GREB1L: variants seen among roughly 807,000 people sequenced by gnomAD.
GREB1L encodes the protein GREB1 like retinoic acid receptor coactivator, also known as GREB1-like protein.
In GREB1L, 17 loss-of-function variants were observed where a neutral mutation model predicts 200.8. The observed-to-expected ratio is 0.08, with a 90% CI of 0.06 to 0.13. The LOEUF is 0.13. GREB1L is among the 10% of genes least tolerant of loss of function. The pLI is 1.00. For synonymous variants in GREB1L, 789 were observed against 893.0 expected (o/e 0.88, Z 2.08); for missense variants, 1,657 against 2,367.7 (o/e 0.70, Z 6.23).
chr18:21,352,606 A>G (rs1422945375), intron 1 of GREB1L, among the ~76,000 whole-genome samples: 1 of 151,230 alleles, frequency 6.6e-6, no homozygotes, highest in African/African-American at 2.4e-5. Flanking sequence ...GCTAATTTTT[A>G]TATTTTTAGT....
chr18:21,245,829 TG>T (rs1161348455), intron 1 of GREB1L, among the ~76,000 whole-genome samples: 8 of 152,162 alleles, frequency 5.3e-5, no homozygotes, highest in African/African-American at 1.9e-4. Context: ...GCCATTCTCC[TG>T]CCTCAGCCTC....
At chr18:21,279,709 G>A (rs1033099285) in intron 1 of GREB1L, among the ~76,000 whole-genome samples, 2 of 152,064 alleles carry the variant, frequency 1.3e-5, no homozygotes, top group African/African-American at 4.8e-5. Context: ...TTTTTCACAG[G>A]ATCGATCATC....
chr18:21,430,989 A>AT (rs1164826850), intron 7 of GREB1L, among the ~76,000 whole-genome samples: 4 of 120,090 alleles, frequency 3.3e-5, no homozygotes, highest in East Asian at 2.3e-4. Context: ...TTTAATTTTC[A>AT]TTTATTTTAT....
In GREB1L at chr18:21,473,158, C is replaced by A; in HGVS notation, c.2310C>A (p.Asn770Lys). 5 of 1,549,408 alleles carry A rather than the reference C, an allele frequency of 3.2e-6. No individual in the cohort carries two copies. Among genetic ancestry groups the A allele is most frequent in the Non-Finnish European group, 3.5e-6 (4 of 1,145,796 alleles). Residue 770 changes from asparagine to lysine, a missense_variant, in exon 16 of 33, where the codon AAC becomes AAA. This residue lies in a region of GREB1L where 239 missense variants were observed against 421.8 expected (regional missense o/e 0.57). Coordinates refer to ENST00000424526, the MANE Select transcript of GREB1L (RefSeq NM_001142966.3). ...FEVFMRRVKQNPYTLFVLVHD... is the reference protein window; with the variant it reads ...FEVFMRRVKQKPYTLFVLVHD... ...TTTTTATGAGGAGAGTGAAACAGAA[C>A]CCGTACACACTGTTTGTGCTAGTTC...
chr18:21,248,026 A>G (rs1184354669), intron 1 of GREB1L, among the ~76,000 whole-genome samples: 2 of 152,232 alleles, frequency 1.3e-5, no homozygotes, highest in Non-Finnish European at 2.9e-5. Context: ...TTAGTTATAA[A>G]ATAATCCAGA....
chr18:21,393,054 G>C (rs1338829296), intron 4 of GREB1L, among the ~76,000 whole-genome samples: 1 of 152,180 alleles, frequency 6.6e-6, no homozygotes, highest in African/African-American at 2.4e-5. Flanking sequence ...TTACAGGCGT[G>C]AGCCACTGCA....
intron 11 of GREB1L, among the ~76,000 whole-genome samples, chr18:21,448,153 C>T (rs894287385): frequency 1.1e-5 from 1 of 89,820 alleles, no homozygotes; most frequent in Non-Finnish European, 2.9e-5. Flanking sequence ...CAAAGGGAAA[C>T]TGTCTCAAAA....
intron 1 of GREB1L, among the ~76,000 whole-genome samples, chr18:21,361,451 T>C (rs2039578974): frequency 6.6e-6 from 1 of 152,108 alleles, no homozygotes; most frequent in South Asian, 2.1e-4. Flanking sequence ...CTGCACAAAT[T>C]AAGGTGGAGA....
chr18:21,493,865 C>CA (rs35758360), intron 19 of GREB1L, among the ~76,000 whole-genome samples: 610 of 38,490 alleles, frequency 0.016, 191 homozygotes, highest in African/African-American at 0.06. Context: ...GACCCTGTCT[C>CA]AAAAAAAAAA....
rs766588086 is a variant in GREB1L, at chr18:21,495,790, A to G, written c.3146+5A>G. On this transcript the variant is annotated splice_donor_5th_base_variant and intron_variant, in intron 20 of 32. Coordinates refer to ENST00000424526, the MANE Select transcript of GREB1L (RefSeq NM_001142966.3). ...TCTTGGAGAAACCTTTCCCAGGTAC[A>G]GTTTCAATAATTAATTCCATTTTTC... is the stretch of plus-strand genomic sequence containing the variant. The G allele has an allele frequency of 1.4e-6, 2 of 1,417,568 alleles. No individual in the cohort carries two copies. Among genetic ancestry groups the G allele is most frequent in the Admixed American group, 4.6e-5 (2 of 43,618 alleles). 87.8% of individuals were successfully genotyped at this position (1,417,568 alleles called of 1,614,324 possible).
intron 15 of GREB1L, among the ~76,000 whole-genome samples, chr18:21,462,934 G>A (rs2035106118): frequency 1.3e-5 from 2 of 152,126 alleles, no homozygotes; most frequent in South Asian, 4.1e-4. Context: ...TAACCACACA[G>A]CAAAAAGAAT....
intron 3 of GREB1L, among the ~76,000 whole-genome samples, chr18:21,383,902 GAC>G (rs751726014): frequency 1.3e-4 from 19 of 151,880 alleles, no homozygotes; most frequent in Non-Finnish European, 2.5e-4. Flanking sequence ...TTTTATTAAA[GAC>G]AGGATTTCAC....
At chr18:21,499,653 C>T in intron 21 of GREB1L, 76 bp from the exon 22 acceptor site, 1 of 1,086,882 alleles carries the variant, frequency 9.2e-7, no homozygotes, top group Non-Finnish European at 1.3e-6. Flanking sequence ...CACTGCTTTC[C>T]TGGCCTTTGT....
rs145894401 is a variant in GREB1L at position 21,276,789 on chromosome 18, A to G, written c.-120+34396A>G. ...AAGGGAAGAAGGAAGGAAAGAAGGA[A>G]GAGAGAGGGAGATGAGGTGGGGAGA... is the stretch of plus-strand genomic sequence containing the variant. On this transcript the variant is annotated intron_variant, in intron 1 of 32. Coordinates refer to ENST00000424526, the MANE Select transcript of GREB1L (RefSeq NM_001142966.3). Among the ~76,000 whole-genome samples the G allele has an allele frequency of 7.1e-4, 108 of 152,310 alleles. 1 individual carries two copies. The highest frequency in any genetic ancestry group is 2.6e-3 in the African/African-American group (107 of 41,564).
intron 21 of GREB1L, among the ~76,000 whole-genome samples, chr18:21,497,232 A>G (rs1432024270): frequency 1.3e-5 from 2 of 152,230 alleles, no homozygotes; most frequent in Admixed American, 6.5e-5. Flanking sequence ...GTCTTGCAGC[A>G]TTACTGCAGG....
At chr18:21,385,275 T>C (rs2040491145) in intron 4 of GREB1L, among the ~76,000 whole-genome samples, 1 of 152,018 alleles carries the variant, frequency 6.6e-6, no homozygotes, top group South Asian at 2.1e-4. Flanking sequence ...AGAACATTCC[T>C]CTTACAAAGC....
rs142528239 is a variant in GREB1L, at chr18:21,308,173, G to A, written c.-119-57854G>A. Among the ~76,000 whole-genome samples the A allele has an allele frequency of 3.7e-4, 56 of 152,266 alleles. 2 individuals are homozygous for A. Among genetic ancestry groups the A allele is most frequent in the Middle Eastern group, 3.4e-3 (1 of 294 alleles). Reference sequence around the variant, plus strand: ...ATATCACCTTAATACAGTCTGTGGAGTAGGCACAAAATAGAAGAGTCACTG... The same window carrying A: ...ATATCACCTTAATACAGTCTGTGGAATAGGCACAAAATAGAAGAGTCACTG... On this transcript the variant is annotated intron_variant, in intron 1 of 32. Coordinates refer to ENST00000424526, the MANE Select transcript of GREB1L (RefSeq NM_001142966.3).
At chr18:21,401,532 T>C (rs776166481) in intron 6 of GREB1L, among the ~76,000 whole-genome samples, 16 of 152,200 alleles carry the variant, frequency 1.1e-4, no homozygotes, top group Non-Finnish European at 1.5e-4. Flanking sequence ...GGAAAGTGAA[T>C]GTCTCTGTAT....
rs193087318 is a variant in GREB1L, at chr18:21,407,064, G to A, written c.832+3070G>A. ...TGATTTTTGTATTTTTAGTAGAGAC[G>A]GGGTTTCTTCATGTTGGTCAGGCTG... is the stretch of plus-strand genomic sequence containing the variant. On this transcript the variant is annotated intron_variant, in intron 7 of 32. Transcript: ENST00000424526. Among the ~76,000 whole-genome samples the A allele has an allele frequency of 4.6e-5, 7 of 151,988 alleles. No homozygotes were observed. The East Asian group carries it at 5.8e-4, about 13-fold the overall frequency.
Sources: allele counts gnomAD v4.1 joint callset (sites outside exome capture counted in the v4.1 genomes callset), GRCh38; gene constraint gnomAD v4.1.1; regional missense constraint gnomAD v4.1.1; transcripts MANE v1.5; gene names NCBI Gene and HGNC (gene_info 2026-07-23, HGNC 2026-07-21).